Variants in CARMIL3 observed in about 807,000 individuals in gnomAD.
CARMIL3 encodes the protein capping protein, Arp2/3 and myosin-I linker protein 3.
A neutral mutation model predicts 180.8 loss-of-function variants in CARMIL3; 88 were observed. That is an observed-to-expected ratio of 0.49 (90% confidence interval 0.41 to 0.58). The LOEUF (loss-of-function observed/expected upper bound fraction) is 0.58, where lower values mean the gene tolerates loss of function less well. CARMIL3 is among the 20% of genes least tolerant of loss of function. CARMIL3 has a pLI of 0.00. For missense variants in CARMIL3, 1,548 were observed against 1,787.0 expected, an observed-to-expected ratio of 0.87 and a Z score of 2.41; for synonymous variants, 696 against 714.5, an observed-to-expected ratio of 0.97 and a Z score of 0.41.
intron 29 of CARMIL3, 134 bp downstream of exon 29, chr14:24,062,980 T>G: frequency 2.0e-6 from 3 of 1,537,620 alleles, no homozygotes; most frequent in Non-Finnish European, 2.6e-6. Flanking sequence ...CCAATCTCAA[T>G]CCAGCCCAAC....
rs751636979 is a variant in CARMIL3 at position 24,060,262 on chromosome 14, G to T, written c.2061+7G>T. 2 of 1,613,920 alleles carry T rather than the reference G, an allele frequency of 1.2e-6. No homozygotes were observed. Among genetic ancestry groups the T allele is most frequent in the Admixed American group, 1.7e-5 (1 of 60,004 alleles). ...GACCAGCAGCGCCGAGCAAGTAAAC[G>T]TTTCCCTCTGGGACACGGGGCATAC... On this transcript the variant is annotated splice_region_variant and intron_variant, in intron 24 of 39. Coordinates refer to ENST00000342740, the MANE Select transcript of CARMIL3 (RefSeq NM_138360.4).
chr14:24,052,523 G>A (rs966803335), intron 1 of CARMIL3, among the ~76,000 whole-genome samples: 1 of 152,136 alleles, frequency 6.6e-6, no homozygotes, highest in Non-Finnish European at 1.5e-5. Flanking sequence ...CATCCGGAGA[G>A]TCCCCGCTTC....
At chr14:24,065,524 G>A in intron 33 of CARMIL3, 98 bp from the exon 34 acceptor site, 2 of 1,499,036 alleles carry the variant, frequency 1.3e-6, no homozygotes, top group East Asian at 2.3e-5. Context: ...CCCGTGGCTA[G>A]GGACTCAGTG....
chr14:24,054,250 C>T lies in CARMIL3; in HGVS notation c.195C>T (p.Ser65=). The change falls in exon 4 of 40, where the codon AGC becomes AGT. Residue 65 remains serine (S), a synonymous_variant. Coordinates refer to ENST00000342740, the MANE Select transcript of CARMIL3 (RefSeq NM_138360.4). The surrounding 1 kb of genome is among the most constrained non-coding windows in gnomAD (Gnocchi z 5.1). ...FLLKVPAKVE[S]SFNVLEIRAF... Reference sequence around the variant, plus strand: ...ATCTCCATCCCTCCTAGGTGGAGAGCTCCTTCAATGTCCTGGAGATCCGTG... The same window carrying T: ...ATCTCCATCCCTCCTAGGTGGAGAGTTCCTTCAATGTCCTGGAGATCCGTG... The T allele has an allele frequency of 6.2e-7, 1 of 1,614,162 alleles. No homozygotes were observed. Among genetic ancestry groups the T allele is most frequent in the Non-Finnish European group, 8.5e-7 (1 of 1,179,986 alleles).
chr14:24,060,636 G>A lies in CARMIL3; in HGVS notation c.2070G>A (p.Gln690=). 6.2e-7 allele frequency: 1 copy of A among 1,613,892 alleles called. No individual in the cohort carries two copies. The highest frequency in any genetic ancestry group is 8.5e-7 in the Non-Finnish European group (1 of 1,179,956). ...CTGCCACTGTGCTCCAGATGCTGCAGCGGCTGTGTGGACGAGTGCAGGAGG... is the reference window on the plus strand; with the variant it reads ...CTGCCACTGTGCTCCAGATGCTGCAACGGCTGTGTGGACGAGTGCAGGAGG... ...LVTSSAEQML[Q]RLCGRVQEEV... The change falls in exon 25 of 40, where the codon CAG becomes CAA. Residue 690 remains glutamine (Q), a synonymous_variant. Transcript: ENST00000342740.
intron 32 of CARMIL3, 123 bp from the exon 33 acceptor site, chr14:24,064,833 TGA>T (rs985819345): frequency 6.4e-5 from 63 of 991,592 alleles, no homozygotes; most frequent in Admixed American, 4.3e-4. Context: ...ATCATCTCCC[TGA>T]GAACTAAGTG....
Position 24,058,297 on chromosome 14 carries a change from G to A in CARMIL3, c.1392+73G>A. ...ATTTCTCAGACCTAAGTCAAACCCT[G>A]GCTCCATCTAGCCTCTGTGCTGACC... On this transcript the variant is annotated intron_variant, in intron 17 of 39. Coordinates refer to ENST00000342740, the MANE Select transcript of CARMIL3 (RefSeq NM_138360.4). The surrounding 1 kb of genome is among the most constrained non-coding windows in gnomAD (Gnocchi z 6.4). 6.6e-7 allele frequency: 1 copy of A among 1,505,724 alleles called. No homozygotes were observed. Among genetic ancestry groups the A allele is most frequent in the South Asian group, 1.2e-5 (1 of 80,800 alleles). 93.3% of individuals were successfully genotyped at this position (1,505,724 alleles called of 1,614,324 possible). A position where few individuals can be genotyped will look rare whatever the true frequency, so the allele number is the denominator to read the frequency against.
Position 24,059,682 on chromosome 14 carries a change from G to A in CARMIL3, c.1818G>A (p.Arg606=), listed in dbSNP as rs148906469. 1.9e-6 allele frequency: 3 copies of A among 1,613,908 alleles called. No individual in the cohort carries two copies. Among genetic ancestry groups the A allele is most frequent in the East Asian group, 2.2e-5 (1 of 44,882 alleles). The part of the protein sequence containing the change: ...NSSLRTILWD[R]NNTSALGFLD... ...CCCCCAGAACTATCCTATGGGATCG[G>A]AACAATACATCTGCCCTGGGCTTCC... Residue 606 remains arginine, a synonymous_variant, in exon 22 of 40, where the codon CGG becomes CGA. Transcript: ENST00000342740. The surrounding 1 kb of genome is among the most constrained non-coding windows in gnomAD (Gnocchi z 6.3).
Position 24,059,278 on chromosome 14 carries a change from G to T in CARMIL3, c.1635G>T (p.Gln545His). ...GCCCCTTGCCCACACAGTCCCTGCA[G>T]TCACTGTCGGTGGCAGACTCCCGGC... Reference protein sequence around the residue: ...QLIQEEDCSLQSLSVADSRLK... With the variant: ...QLIQEEDCSLHSLSVADSRLK... The change falls in exon 21 of 40, where the codon CAG becomes CAT. Residue 545 changes from glutamine to histidine, a missense_variant. Around this residue, in one of 4 missense-constraint regions of CARMIL3, gnomAD observed 297 missense variants for 415.9 expected, o/e 0.71. Coordinates refer to ENST00000342740, the MANE Select transcript of CARMIL3 (RefSeq NM_138360.4). The surrounding 1 kb of genome is among the most constrained non-coding windows in gnomAD (Gnocchi z 6.3). 1 of 1,614,008 alleles carries T rather than the reference G, an allele frequency of 6.2e-7. No individual in the cohort carries two copies. Among genetic ancestry groups the T allele is most frequent in the Non-Finnish European group, 8.5e-7 (1 of 1,180,022 alleles).
intron 31 of CARMIL3, 148 bp from the exon 32 acceptor site, chr14:24,064,098 A>G (rs1290861652): frequency 3.6e-6 from 2 of 550,360 alleles, no homozygotes; most frequent in Non-Finnish European, 3.2e-6. Context: ...CGTCTCAAAA[A>G]AAAAAAAAAA....
Position 24,059,359 on chromosome 14 carries a change from C to G in CARMIL3, c.1716C>G (p.Ala572=), listed in dbSNP as rs2035706512. The change falls in exon 21 of 40, where the codon GCC becomes GCG. Residue 572 remains alanine (A), a synonymous_variant. Transcript: ENST00000342740. This position sits in a 1 kb window ranked among gnomAD's most constrained non-coding sequence, Gnocchi z 6.3. The stretch of plus-strand genomic sequence containing the variant: ...CCCTGGGCAGCAACACCTGCCTGGC[C>G]AAGGTGGATCTGAGCGGCAATGGCA... ...INALGSNTCL[A]KVDLSGNGME... 6.2e-7 allele frequency: 1 copy of G among 1,613,716 alleles called. No homozygotes were observed. The highest frequency in any genetic ancestry group is 8.5e-7 in the Non-Finnish European group (1 of 1,179,848).
Position 24,069,537 on chromosome 14 carries a change from G to A in CARMIL3, c.*133G>A, listed in dbSNP as rs534402456. ...GCAAGACGGCAGGACCAGGCATGGG[G>A]GAGCTGGAGGCAGGGACTAGAACAG... On this transcript the variant is annotated 3_prime_UTR_variant, in exon 40 of 40. Transcript: ENST00000342740. 29 of 1,189,800 alleles carry A rather than the reference G, an allele frequency of 2.4e-5. No individual in the cohort carries two copies. In the East Asian group the frequency reaches 7.1e-4, roughly 29 times the overall value. The allele number at this position is 1,189,800 out of a possible 1,614,324, so 73.7% of individuals were successfully genotyped here.
At position 24,066,430 on chromosome 14, in the gene CARMIL3, G is replaced by C; in HGVS notation, c.3558G>C (p.Gln1186His). The C allele has an allele frequency of 6.2e-7, 1 of 1,614,226 alleles. No homozygotes were observed. The highest frequency in any genetic ancestry group is 8.5e-7 in the Non-Finnish European group (1 of 1,180,036). ...GPGPDQEGST[Q>H]AWQKRRSSDD... Reference sequence around the variant, plus strand: ...GCCCAGACCAGGAGGGCAGCACCCAGGCCTGGCAGAAACGGCGCTCTTCAG... The same window carrying C: ...GCCCAGACCAGGAGGGCAGCACCCACGCCTGGCAGAAACGGCGCTCTTCAG... The change falls in exon 35 of 40, where the codon CAG becomes CAC. Residue 1186 changes from glutamine to histidine, a missense_variant. Transcript: ENST00000342740.
chr14:24,063,376 C>A lies in CARMIL3; in HGVS notation c.2822C>A (p.Pro941His). The A allele has an allele frequency of 6.2e-7, 1 of 1,612,472 alleles. No homozygotes were observed. The highest frequency in any genetic ancestry group is 1.3e-5 in the African/African-American group (1 of 75,010). The stretch of plus-strand genomic sequence containing the variant: ...CAACTGGGGAATCTGGGGATCCCCC[C>A]TGGCTGGTTCTCAGGACTTGGGGGC... Reference protein sequence around the residue: ...ESQLGNLGIPPGWFSGLGGSQ... With the variant: ...ESQLGNLGIPHGWFSGLGGSQ... The change falls in exon 31 of 40, where the codon CCT (proline) becomes CAT (histidine). Residue 941 changes from proline to histidine, a missense_variant. This residue lies in a region of CARMIL3 where 668 missense variants were observed against 687.8 expected (regional missense o/e 0.97). Transcript: ENST00000342740.
chr14:24,066,461 G>A lies in CARMIL3; in HGVS notation c.3589G>A (p.Ala1197Thr), dbSNP rs745477142. The change falls in exon 35 of 40, where the codon GCA (alanine) becomes ACA (threonine). Residue 1197 changes from alanine to threonine, a missense_variant. Ala to Thr is a moderately conservative substitution (Grantham distance 58). This residue lies in a region of CARMIL3 where 668 missense variants were observed against 687.8 expected (regional missense o/e 0.97). Coordinates refer to ENST00000342740, the MANE Select transcript of CARMIL3 (RefSeq NM_138360.4). Reference sequence around the variant, plus strand: ...GCAGAAACGGCGCTCTTCAGACGACGCAGGTAAGAACAGTCACATTCAAAG... The same window carrying A: ...GCAGAAACGGCGCTCTTCAGACGACACAGGTAAGAACAGTCACATTCAAAG... ...AWQKRRSSDD[A>T]GPGSWKPPPP... The A allele has an allele frequency of 3.0e-5, 48 of 1,614,068 alleles. No individual in the cohort carries two copies. The highest frequency in any genetic ancestry group is 1.6e-4 in the Middle Eastern group (1 of 6,080).
intron 13 of CARMIL3, 42 bp from the exon 14 acceptor site, chr14:24,057,125 C>T: frequency 6.2e-7 from 1 of 1,605,350 alleles, no homozygotes; most frequent in Non-Finnish European, 8.5e-7. Flanking sequence ...GGCGAGACTC[C>T]ATCATCCCTT....
Position 24,059,393 on chromosome 14 carries a change from A to G in CARMIL3, c.1750A>G (p.Ile584Val), listed in dbSNP as rs1369337607. 7.5e-6 allele frequency: 12 copies of G among 1,607,604 alleles called. No homozygotes were observed. The highest frequency in any genetic ancestry group is 1.0e-5 in the Non-Finnish European group (12 of 1,177,144). ...TCTGAGCGGCAATGGCATGGAGGAC[A>G]TCGGGGCCAAGATGCTGTCTAAGGC... ...VDLSGNGMEDIGAKMLSKALQ... is the reference protein window; with the variant it reads ...VDLSGNGMEDVGAKMLSKALQ... Residue 584 changes from isoleucine to valine, a missense_variant, in exon 21 of 40, where the codon ATC becomes GTC. By Grantham distance (29) the Ile-to-Val change is conservative. Coordinates refer to ENST00000342740, the MANE Select transcript of CARMIL3 (RefSeq NM_138360.4). This position sits in a 1 kb window ranked among gnomAD's most constrained non-coding sequence, Gnocchi z 6.3.
rs2035723011 is a variant in CARMIL3, at chr14:24,060,610, C to T, written c.2062-18C>T. ...TGGAAGCAGGGGTCCCCTTGACACCCCTGCCACTGTGCTCCAGATGCTGCA... is the reference window on the plus strand; with the variant it reads ...TGGAAGCAGGGGTCCCCTTGACACCTCTGCCACTGTGCTCCAGATGCTGCA... On this transcript the variant is annotated intron_variant, in intron 24 of 39. Transcript: ENST00000342740. 2 of 1,612,534 alleles carry T rather than the reference C, an allele frequency of 1.2e-6. No individual in the cohort carries two copies. Among genetic ancestry groups the T allele is most frequent in the Non-Finnish European group, 8.5e-7 (1 of 1,179,258 alleles).
Position 24,068,639 on chromosome 14 carries a change from TG to T in CARMIL3, c.3742del (p.Glu1248LysfsTer26), listed in dbSNP as rs774399689. ...CQSPSPASQD[G>X]EEEKEGTLFP... Reference sequence around the variant, plus strand: ...AGAGTCCCAGCCCAGCCTCCCAAGATGGGGAAGAGGAGAAGGAGGGGACCCT... The same window carrying T: ...AGAGTCCCAGCCCAGCCTCCCAAGATGGGAAGAGGAGAAGGAGGGGACCCT... On this transcript the variant is annotated frameshift_variant, in exon 37 of 40. Coordinates refer to ENST00000342740, the MANE Select transcript of CARMIL3 (RefSeq NM_138360.4). LOFTEE classifies it high-confidence loss of function. 1.8e-5 allele frequency: 29 copies of T among 1,613,698 alleles called. No homozygotes were observed. Among genetic ancestry groups the T allele is most frequent in the Non-Finnish European group, 8.5e-7 (1 of 1,179,934 alleles).
Sources: gnomAD v4.1 joint callset for allele counts (sites outside exome capture counted in the v4.1 genomes callset) on GRCh38, gnomAD v4.1.1 for gene constraint, gnomAD v4.1.1 regional missense constraint, Gnocchi (gnomAD v3.1) non-coding constraint, MANE v1.5 for transcripts, NCBI Gene and HGNC (gene_info 2026-07-23, HGNC 2026-07-21) for gene names.